PHAF1: variants seen among roughly 807,000 people sequenced by gnomAD.
PHAF1 encodes the protein phagophore assembly factor 1.
PHAF1 carries 23 observed loss-of-function variants against 63.1 expected under a neutral mutation model. That is an observed-to-expected ratio of 0.36 (90% CI 0.26 to 0.52). PHAF1 has a LOEUF of 0.52. Ranked by LOEUF, PHAF1 falls within the 20% of genes least tolerant of loss-of-function variation. PHAF1 has a pLI of 0.93. For synonymous variants in PHAF1, 167 were observed against 185.0 expected, an observed-to-expected ratio of 0.90 and a Z score of 0.79; for missense variants, 427 against 517.2, an observed-to-expected ratio of 0.83 and a Z score of 1.69.
At chr16:67,111,090 A>G (rs531938954) in intron 1 of PHAF1, among the ~76,000 whole-genome samples, 1 of 152,210 alleles carries the variant, frequency 6.6e-6, no homozygotes, top group South Asian at 2.1e-4. Context: ...CTGGGATTAC[A>G]GGCGTGAGCC....
intron 1 of PHAF1, among the ~76,000 whole-genome samples, chr16:67,111,288 A>G (rs1332964399): frequency 6.6e-6 from 1 of 152,020 alleles, no homozygotes; most frequent in East Asian, 1.9e-4. Context: ...TTCTCCCTTC[A>G]CCCTCTCCAT....
chr16:67,111,372 C>T (rs987704487), intron 1 of PHAF1, among the ~76,000 whole-genome samples: 2 of 152,112 alleles, frequency 1.3e-5, no homozygotes, highest in South Asian at 4.1e-4. Flanking sequence ...TTTGATGTCC[C>T]AGCACTAAGA....
At chr16:67,135,469 T>TTTTTGTTTTG (rs112386297) in intron 8 of PHAF1, 2 of 152,244 alleles carry the variant, frequency 1.3e-5, no homozygotes, top group Non-Finnish European at 1.5e-5. Context: ...TTTCTACCTT[T>TTTTTGTTTTG]TTTTGTTTTG....
intron 5 of PHAF1, 39 bp from the exon 6 acceptor site, chr16:67,132,778 A>G (rs763824071): frequency 1.3e-6 from 2 of 1,523,674 alleles, no homozygotes; most frequent in Admixed American, 1.7e-5. Flanking sequence ...TTCAGATGCC[A>G]GTCAACCATG....
chr16:67,130,056 T>G (rs1475404232), intron 3 of PHAF1, among the ~76,000 whole-genome samples: 3 of 152,226 alleles, frequency 2.0e-5, no homozygotes, highest in Non-Finnish European at 4.4e-5. Flanking sequence ...CTTTCTTTCT[T>G]TCTTTCTTTT....
At position 67,148,107 on chromosome 16, in the gene PHAF1, T is replaced by C. The variant is rs2030257087; in HGVS notation, c.*976T>C. 1 of 152,688 alleles carries C rather than the reference T, an allele frequency of 6.5e-6. No homozygotes were observed. The highest frequency in any genetic ancestry group is 2.4e-5 in the African/African-American group (1 of 41,468). The allele number at this position is 152,688 out of a possible 1,614,324, so 9.5% of individuals were successfully genotyped here. A position where few individuals can be genotyped will look rare whatever the true frequency, so the allele number is the denominator to read the frequency against. Reference sequence around the variant, plus strand: ...AAGAACTGAGAAGAAAAATGTATAATTTTATCCCATTTTTAATATTTTGGT... The same window carrying C: ...AAGAACTGAGAAGAAAAATGTATAACTTTATCCCATTTTTAATATTTTGGT... On this transcript the variant is annotated 3_prime_UTR_variant, in exon 16 of 16. Transcript: ENST00000219139.
intron 9 of PHAF1, 140 bp downstream of exon 9, chr16:67,140,257 C>G (rs527653331): frequency 1.0e-5 from 12 of 1,144,030 alleles, no homozygotes; most frequent in Non-Finnish European, 1.1e-5. Context: ...TGTTTTCTAA[C>G]CCCTGTAGTC....
Position 67,137,236 on chromosome 16 carries a change from C to A in PHAF1, c.662-2748C>A, listed in dbSNP as rs183621406. Among the ~76,000 whole-genome samples, 5 of 152,062 alleles carry A rather than the reference C, an allele frequency of 3.3e-5. No homozygotes were observed. In the East Asian group the frequency reaches 5.8e-4, roughly 18 times the overall value. The stretch of plus-strand genomic sequence containing the variant: ...TAGACAGTTCACAACCTTCACGTTA[C>A]GAATTTCTTAAAATGTGATTTTCTA... On this transcript the variant is annotated intron_variant, in intron 8 of 15. Coordinates refer to ENST00000219139, the MANE Select transcript of PHAF1 (RefSeq NM_025187.5).
chr16:67,148,354 C>G lies in PHAF1; in HGVS notation c.*1223C>G, dbSNP rs2030289490. On this transcript the variant is annotated 3_prime_UTR_variant, in exon 16 of 16. Transcript: ENST00000219139. ...GACTTTTGTGACTGACTGGTGTCTT[C>G]CCATTTGGACTGTGGCCTGGCCAGA... 6.6e-6 allele frequency: 1 copy of G among 152,642 alleles called. No individual in the cohort carries two copies. Among genetic ancestry groups the G allele is most frequent in the African/African-American group, 2.4e-5 (1 of 41,422 alleles). 9.5% of individuals were successfully genotyped at this position (152,642 alleles called of 1,614,324 possible). A position where few individuals can be genotyped will look rare whatever the true frequency, so the allele number is the denominator to read the frequency against.
At chr16:67,125,888 T>C in intron 2 of PHAF1, 71 bp from the exon 3 acceptor site, 1 of 1,093,998 alleles carries the variant, frequency 9.1e-7, no homozygotes. Flanking sequence ...TGCATTTGTA[T>C]TGTAAGGCTT....
intron 3 of PHAF1, among the ~76,000 whole-genome samples, chr16:67,126,477 T>G (rs964240227): frequency 4.5e-4 from 68 of 152,244 alleles, no homozygotes; most frequent in African/African-American, 1.6e-3. Context: ...TCTTTAACCC[T>G]GGGGAGGAAA....
chr16:67,119,668 A>C (rs1962895733), intron 1 of PHAF1, among the ~76,000 whole-genome samples: 1 of 150,712 alleles, frequency 6.6e-6, no homozygotes, highest in Non-Finnish European at 1.5e-5. Context: ...CTACAAGGGC[A>C]GCCACCTCGC....
intron 2 of PHAF1, among the ~76,000 whole-genome samples, chr16:67,123,939 T>C (rs1413117146): frequency 6.6e-6 from 1 of 152,312 alleles, no homozygotes; most frequent in East Asian, 1.9e-4. Flanking sequence ...ACTGAACTGC[T>C]TCATGTGAAG....
chr16:67,124,877 T>G (rs990382490), intron 2 of PHAF1, among the ~76,000 whole-genome samples: 1 of 146,724 alleles, frequency 6.8e-6, no homozygotes, highest in Non-Finnish European at 1.5e-5. Flanking sequence ...CACTCCAGCC[T>G]GGGCAACAGA....
At chr16:67,123,773 CTT>C (rs567443970) in intron 2 of PHAF1, among the ~76,000 whole-genome samples, 5 of 152,184 alleles carry the variant, frequency 3.3e-5, no homozygotes, top group Non-Finnish European at 5.9e-5. Flanking sequence ...CCATTTGTCT[CTT>C]TGTTTCCCAA....
chr16:67,112,253 A>G (rs1482247906), intron 1 of PHAF1, among the ~76,000 whole-genome samples: 5 of 151,846 alleles, frequency 3.3e-5, no homozygotes, highest in Non-Finnish European at 7.4e-5. Context: ...GGTCAAAAGC[A>G]GTGGTAGGGA....
chr16:67,138,261 A>G (rs758459249), intron 8 of PHAF1, among the ~76,000 whole-genome samples: 4 of 152,114 alleles, frequency 2.6e-5, no homozygotes, highest in Non-Finnish European at 4.4e-5. Context: ...GGTGGGTTCT[A>G]TAGGTCACCC....
intron 2 of PHAF1, among the ~76,000 whole-genome samples, chr16:67,123,602 T>G (rs1963071149): frequency 6.6e-6 from 1 of 152,112 alleles, no homozygotes; most frequent in Admixed American, 6.6e-5. Flanking sequence ...AGACAGGGTC[T>G]CATTATATTT....
chr16:67,126,037 C>T lies in PHAF1; in HGVS notation c.226C>T (p.Leu76Phe), dbSNP rs761218641. 6.2e-7 allele frequency: 1 copy of T among 1,607,496 alleles called. No homozygotes were observed. Among genetic ancestry groups the T allele is most frequent in the Non-Finnish European group, 8.5e-7 (1 of 1,174,652 alleles). Reference protein sequence around the residue: ...KLMFDAFNQRLKVIEVCDLTK... With the variant: ...KLMFDAFNQRFKVIEVCDLTK... Reference sequence around the variant, plus strand: ...AATGTTTGATGCTTTCAATCAGAGACTTAAGGTAACTATAAATGACAACTA... The same window carrying T: ...AATGTTTGATGCTTTCAATCAGAGATTTAAGGTAACTATAAATGACAACTA... The change falls in exon 3 of 16, where the codon CTT (leucine) becomes TTT (phenylalanine). Residue 76 changes from leucine to phenylalanine, a missense_variant. Transcript: ENST00000219139.
Sources: allele counts gnomAD v4.1 joint callset (sites outside exome capture counted in the v4.1 genomes callset), GRCh38; gene constraint gnomAD v4.1.1; transcripts MANE v1.5; gene names NCBI Gene and HGNC (gene_info 2026-07-23, HGNC 2026-07-21).